COMT: variants seen among roughly 807,000 people sequenced by gnomAD.
COMT encodes the protein catechol O-methyltransferase.
In COMT, 13 loss-of-function variants were observed where a neutral mutation model predicts 18.9. The observed-to-expected ratio is 0.69, with a 90% CI of 0.45 to 1.09. COMT has a LOEUF of 1.09. Ranked by LOEUF, COMT falls within the 50% of genes least tolerant of loss-of-function variation. The probability of loss-of-function intolerance (pLI) is 0.00; values close to 1 mark genes in which losing one functional copy is unlikely to be tolerated. For missense variants in COMT, 329 were observed against 361.8 expected, an observed-to-expected ratio of 0.91 and a Z score of 0.73; for synonymous variants, 150 against 160.9, an observed-to-expected ratio of 0.93 and a Z score of 0.51.
chr22:19,944,581 T>G (rs562907568), intron 1 of COMT, among the ~76,000 whole-genome samples: 2 of 151,238 alleles, frequency 1.3e-5, no homozygotes, highest in Non-Finnish European at 2.9e-5. Context: ...TCCCAGCACT[T>G]TGGGAGGCCG....
intron 1 of COMT, among the ~76,000 whole-genome samples, chr22:19,947,829 G>A (rs566266653): frequency 1.3e-5 from 2 of 152,314 alleles, no homozygotes; most frequent in South Asian, 4.1e-4. Context: ...GGTCTGCTAA[G>A]TAACGGGTGC....
chr22:19,964,682 T>C (rs1458006710), intron 5 of COMT: 1 of 566,948 alleles, frequency 1.8e-6, no homozygotes, highest in African/African-American at 1.9e-5. Flanking sequence ...AGCAAGCCAC[T>C]GCTCGTGCAA....
chr22:19,954,652 C>T (rs964294631), intron 1 of COMT, among the ~76,000 whole-genome samples: 1 of 152,108 alleles, frequency 6.6e-6, no homozygotes, highest in Non-Finnish European at 1.5e-5. Context: ...GGGGTTTCAC[C>T]ATGTTGGTCA....
chr22:19,942,244 G>C (rs1252022144), intron 1 of COMT, among the ~76,000 whole-genome samples: 1 of 152,226 alleles, frequency 6.6e-6, no homozygotes, highest in East Asian at 1.9e-4. Context: ...CCTGGAGTAG[G>C]GCTTGACCTG....
intron 5 of COMT, among the ~76,000 whole-genome samples, chr22:19,965,945 C>T (rs1942367654): frequency 6.6e-6 from 1 of 152,230 alleles, no homozygotes; most frequent in Non-Finnish European, 1.5e-5. Context: ...GCCAGATGGG[C>T]TTCACTTGGG....
intron 1 of COMT, among the ~76,000 whole-genome samples, chr22:19,943,674 AAAAG>A (rs778037292): frequency 5.9e-5 from 9 of 151,816 alleles, no homozygotes; most frequent in South Asian, 2.1e-4. Flanking sequence ...TAAAAAAATA[AAAAG>A]AAAGAAAGAA....
intron 1 of COMT, among the ~76,000 whole-genome samples, chr22:19,960,432 G>A (rs1043880819): frequency 2.0e-5 from 3 of 152,206 alleles, no homozygotes; most frequent in African/African-American, 7.2e-5. Context: ...CTTCAGGTCT[G>A]CATGGTCCCT....
At chr22:19,961,624 C>G in intron 2 of COMT, 1 of 152,232 alleles carries the variant, frequency 6.6e-6, no homozygotes, top group Middle Eastern at 3.2e-3. Context: ...GAGCCCAGGG[C>G]CCCATCCCAG....
In COMT at chr22:19,969,033, G is replaced by A. The variant is rs1271319952; in HGVS notation, c.*297G>A. 6 of 287,722 alleles carry A rather than the reference G, an allele frequency of 2.1e-5. No homozygotes were observed. In the East Asian group the frequency reaches 2.6e-4, roughly 13 times the overall value. 17.8% of individuals were successfully genotyped at this position (287,722 alleles called of 1,614,324 possible). On this transcript the variant is annotated 3_prime_UTR_variant, in exon 6 of 6. Coordinates refer to ENST00000361682, the MANE Select transcript of COMT (RefSeq NM_000754.4). ...GAATCTAAATATTTAGATATAACTC[G>A]ACTTAGTACATCCTTCTCAACTGCC...
chr22:19,941,935 G>T, intron 1 of COMT, 38 bp downstream of exon 1: 2 of 942,788 alleles, frequency 2.1e-6, no homozygotes, highest in Non-Finnish European at 2.9e-6. Flanking sequence ...AATGCGGCCG[G>T]ATTCGGGGCG....
At chr22:19,941,979 A>T in intron 1 of COMT, 82 bp downstream of exon 1, 9 of 491,792 alleles carry the variant, frequency 1.8e-5, no homozygotes, top group Non-Finnish European at 2.9e-5. Flanking sequence ...ACACTGGGAT[A>T]GGGTGTGGGG....
intron 5 of COMT, chr22:19,967,302 G>A (rs559908437): frequency 9.8e-5 from 99 of 1,014,186 alleles, no homozygotes; most frequent in Admixed American, 5.3e-4. Flanking sequence ...GGCCCAGACT[G>A]GAAGGCAGCC....
chr22:19,966,452 A>G (rs866943483), intron 5 of COMT, among the ~76,000 whole-genome samples: 42 of 151,266 alleles, frequency 2.8e-4, no homozygotes, highest in African/African-American at 5.6e-4. Context: ...AAAAAAAAAA[A>G]AAAGAAAAAG....
In COMT at chr22:19,963,559, T is replaced by C; in HGVS notation, c.290-7T>C. On this transcript the variant is annotated splice_polypyrimidine_tract_variant and splice_region_variant and intron_variant, in intron 3 of 5. Coordinates refer to ENST00000361682, the MANE Select transcript of COMT (RefSeq NM_000754.4). ...CTCACCTCTCCTCCGTCCCCAACCCTGCACAGGCAAGATCGTGGACGCCGT... is the reference window on the plus strand; with the variant it reads ...CTCACCTCTCCTCCGTCCCCAACCCCGCACAGGCAAGATCGTGGACGCCGT... 3.1e-6 allele frequency: 5 copies of C among 1,611,526 alleles called. No individual in the cohort carries two copies. Among genetic ancestry groups the C allele is most frequent in the Non-Finnish European group, 4.2e-6 (5 of 1,179,944 alleles).
At chr22:19,943,649 A>T (rs1016072569) in intron 1 of COMT, among the ~76,000 whole-genome samples, 5 of 149,670 alleles carry the variant, frequency 3.3e-5, no homozygotes, top group Non-Finnish European at 6.0e-5. Context: ...TTAAAAAAAA[A>T]AAATAATAAT....
At chr22:19,954,218 C>CA (rs361699) in intron 1 of COMT, among the ~76,000 whole-genome samples, 61,047 of 135,452 alleles carry the variant, frequency 0.45, 13,708 homozygotes, top group African/African-American at 0.48. Context: ...GGTATTGAGT[C>CA]AAAAAAAAAA....
At chr22:19,952,368 G>A (rs540336198) in intron 1 of COMT, among the ~76,000 whole-genome samples, 7 of 151,262 alleles carry the variant, frequency 4.6e-5, no homozygotes, top group Non-Finnish European at 7.4e-5. Flanking sequence ...AGGCAGGTGC[G>A]GTGGCTCATG....
chr22:19,950,241 C>CTTTTTTTTT (rs55653258), intron 1 of COMT, among the ~76,000 whole-genome samples: 300 of 87,858 alleles, frequency 3.4e-3, no homozygotes, highest in African/African-American at 4.7e-3. Flanking sequence ...CTTTTCTTTT[C>CTTTTTTTTT]TTTTTTTTTT....
intron 1 of COMT, among the ~76,000 whole-genome samples, chr22:19,948,479 G>T (rs1941875250): frequency 6.6e-6 from 1 of 151,996 alleles, no homozygotes; most frequent in Admixed American, 6.6e-5. Context: ...ACATGCTGAG[G>T]CCCTGTCTCT....
Sources: allele counts gnomAD v4.1 joint callset (sites outside exome capture counted in the v4.1 genomes callset), GRCh38; gene constraint gnomAD v4.1.1; transcripts MANE v1.5; gene names NCBI Gene and HGNC (gene_info 2026-07-23, HGNC 2026-07-21).